RBP7: variants seen among roughly 807,000 people sequenced by gnomAD.
The protein encoded by RBP7 is retinol binding protein 7, also known as retinoid-binding protein 7.
RBP7 carries 13 observed loss-of-function variants against 16.7 expected under a neutral mutation model. The observed-to-expected ratio is 0.78, with a 90% CI of 0.51 to 1.24. The LOEUF (loss-of-function observed/expected upper bound fraction) is 1.24. Among genes scored for constraint, RBP7 ranks in the 50% most tolerant of loss-of-function variants. RBP7 has a pLI of 0.00. For missense variants in RBP7, 145 were observed against 159.5 expected, an observed-to-expected ratio of 0.91 and a Z score of 0.49; for synonymous variants, 54 against 56.2, an observed-to-expected ratio of 0.96 and a Z score of 0.17.
At chr1:10,005,917 C>T (rs964745622) in intron 1 of RBP7, among the ~76,000 whole-genome samples, 3 of 152,068 alleles carry the variant, frequency 2.0e-5, no homozygotes, top group South Asian at 2.1e-4. Context: ...CCCGATTCTG[C>T]GGCAGATACA....
intron 1 of RBP7, among the ~76,000 whole-genome samples, chr1:10,003,801 G>A (rs1642343687): frequency 6.6e-6 from 1 of 152,056 alleles, no homozygotes; most frequent in South Asian, 2.1e-4. Flanking sequence ...TGTCACCTAG[G>A]CTGGAGTGCA....
At position 10,007,647 on chromosome 1, in the gene RBP7, A is replaced by G; in HGVS notation, c.151A>G (p.Thr51Ala). ...GATTGAGCAGAATGGGGATTCTTTT[A>G]CCATCCACACGAACAGCAGCCTAAG... ...KVIEQNGDSF[T>A]IHTNSSLRNY... Residue 51 changes from threonine (T) to alanine (A), a missense_variant, in exon 2 of 4, where the codon ACC (threonine) becomes GCC (alanine). By Grantham distance (58) the Thr-to-Ala change is moderately conservative. Coordinates refer to ENST00000294435, the MANE Select transcript of RBP7 (RefSeq NM_052960.3). The G allele has an allele frequency of 6.2e-7, 1 of 1,614,028 alleles. No individual in the cohort carries two copies. The highest frequency in any genetic ancestry group is 2.2e-5 in the East Asian group (1 of 44,890).
intron 3 of RBP7, among the ~76,000 whole-genome samples, chr1:10,013,122 G>A (rs1173174928): frequency 6.7e-6 from 1 of 149,068 alleles, no homozygotes; most frequent in African/African-American, 2.5e-5. Flanking sequence ...GCCCATCCTG[G>A]AGTGCAGTAG....
At chr1:10,001,660 T>C (rs907533521) in intron 1 of RBP7, among the ~76,000 whole-genome samples, 1 of 152,080 alleles carries the variant, frequency 6.6e-6, no homozygotes, top group African/African-American at 2.4e-5. Context: ...GCTTCAGAAA[T>C]GGAGAAGCCC....
At chr1:10,008,137 C>A in intron 2 of RBP7, 36 bp from the exon 3 acceptor site, 1 of 1,361,266 alleles carries the variant, frequency 7.3e-7, no homozygotes, top group Non-Finnish European at 1.1e-6. Context: ...AGGATCCTGC[C>A]AGGACAAGCT....
At chr1:10,002,045 C>T (rs1173567597) in intron 1 of RBP7, among the ~76,000 whole-genome samples, 1 of 151,950 alleles carries the variant, frequency 6.6e-6, no homozygotes, top group East Asian at 1.9e-4. Flanking sequence ...CCAGGCTGGT[C>T]TCGAACTCCT....
At chr1:9,998,387 T>TTTTTTC (rs1553129428) in intron 1 of RBP7, among the ~76,000 whole-genome samples, 14 of 127,554 alleles carry the variant, frequency 1.1e-4, no homozygotes, top group Non-Finnish European at 1.6e-4. Flanking sequence ...TGTTTTCTTT[T>TTTTTTC]TTTCTTTCTT....
chr1:10,009,469 C>A (rs1437565088), intron 3 of RBP7, among the ~76,000 whole-genome samples: 1 of 151,098 alleles, frequency 6.6e-6, no homozygotes, highest in Non-Finnish European at 1.5e-5. Flanking sequence ...CCAGGAAACA[C>A]AGACTCCAAA....
In RBP7 at chr1:10,012,414, G is replaced by A. The variant is rs3125089; in HGVS notation, c.355-3368G>A. 8.5e-3 allele frequency among the ~76,000 whole-genome samples: 1,285 copies of A among 151,734 alleles called. 12 individuals are homozygous for A. Among genetic ancestry groups the A allele is most frequent in the African/African-American group, 0.029 (1,188 of 41,426 alleles). On this transcript the variant is annotated intron_variant, in intron 3 of 3. Coordinates refer to ENST00000294435, the MANE Select transcript of RBP7 (RefSeq NM_052960.3). ...AAAACAAAGTAAGAAACTTGCCTTC[G>A]CAAATACGTAATATGGAATTTCAAA... is the stretch of plus-strand genomic sequence containing the variant.
chr1:10,010,565 C>T (rs550191107), intron 3 of RBP7, among the ~76,000 whole-genome samples: 6 of 151,824 alleles, frequency 4.0e-5, no homozygotes, highest in East Asian at 1.9e-4. Context: ...TACAGGCACC[C>T]GCCACCATGC....
chr1:10,015,661 T>C, intron 3 of RBP7, 121 bp from the exon 4 acceptor site: 1 of 807,064 alleles, frequency 1.2e-6, no homozygotes, highest in Non-Finnish European at 2.1e-6. Context: ...AGACCCCATC[T>C]CATAAAAGAA....
intron 3 of RBP7, among the ~76,000 whole-genome samples, chr1:10,014,503 A>T (rs1642721901): frequency 1.3e-5 from 2 of 150,744 alleles, no homozygotes; most frequent in African/African-American, 4.9e-5. Context: ...CTCCTGTCTC[A>T]AGTGTCCTGA....
intron 1 of RBP7, among the ~76,000 whole-genome samples, chr1:10,001,845 T>TTTA (rs1642287235): frequency 1.6e-5 from 1 of 62,360 alleles, no homozygotes; most frequent in African/African-American, 5.8e-5. Context: ...TTATTTATTT[T>TTTA]TGAGACAGAG....
intron 1 of RBP7, among the ~76,000 whole-genome samples, chr1:10,006,491 C>T (rs1439679445): frequency 6.6e-6 from 1 of 151,910 alleles, no homozygotes; most frequent in African/African-American, 2.4e-5. Flanking sequence ...GCCTGGGTGA[C>T]AGAATGAGAT....
Position 10,008,189 on chromosome 1 carries a change from A to G in RBP7, c.269A>G (p.Asp90Gly). 1.2e-6 allele frequency: 2 copies of G among 1,610,792 alleles called. No individual in the cohort carries two copies. The highest frequency in any genetic ancestry group is 2.7e-5 in the African/African-American group (2 of 74,788). Residue 90 changes from aspartate to glycine, a missense_variant, in exon 3 of 4, where the codon GAC becomes GGC. Asp to Gly is a moderately conservative substitution (Grantham distance 94, BLOSUM62 -1). Coordinates refer to ENST00000294435, the MANE Select transcript of RBP7 (RefSeq NM_052960.3). ...TTCATGCAGAGTTTGGTTATCTGGG[A>G]CAATGACAGGCTCACCTGTATCCAG... ...NRKCKSLVIWDNDRLTCIQKG... is the reference protein window; with the variant it reads ...NRKCKSLVIWGNDRLTCIQKG...
chr1:10,007,380 C>T (rs967557968), intron 1 of RBP7, among the ~76,000 whole-genome samples, 190 bp from the exon 2 acceptor site: 5 of 152,022 alleles, frequency 3.3e-5, no homozygotes. Context: ...CATTTGCAAA[C>T]TTTTTAATCA....
At chr1:10,001,264 C>T (rs1033500784) in intron 1 of RBP7, among the ~76,000 whole-genome samples, 2 of 152,126 alleles carry the variant, frequency 1.3e-5, no homozygotes, top group South Asian at 2.1e-4. Flanking sequence ...TTTGCCAAAC[C>T]GCAGTGAGAA....
intron 3 of RBP7, among the ~76,000 whole-genome samples, chr1:10,009,204 G>A (rs1231727154): frequency 6.6e-6 from 1 of 152,058 alleles, no homozygotes; most frequent in Non-Finnish European, 1.5e-5. Flanking sequence ...GAGGTCAGGA[G>A]ATCAAGATCA....
Position 10,015,918 on chromosome 1 carries a change from T to G in RBP7, c.*86T>G. On this transcript the variant is annotated 3_prime_UTR_variant, in exon 4 of 4. Coordinates refer to ENST00000294435, the MANE Select transcript of RBP7 (RefSeq NM_052960.3). ...CTGAACAGACGTTTATCTATCCCAT[T>G]TGGCGACGAGGACTCGTGGCTGGAG... is the stretch of plus-strand genomic sequence containing the variant. 7.5e-7 allele frequency: 1 copy of G among 1,332,036 alleles called. No individual in the cohort carries two copies. The highest frequency in any genetic ancestry group is 1.1e-6 in the Non-Finnish European group (1 of 931,152). The allele number at this position is 1,332,036 out of a possible 1,614,324, so 82.5% of individuals were successfully genotyped here.
Sources: gnomAD v4.1 joint callset for allele counts (sites outside exome capture counted in the v4.1 genomes callset) on GRCh38, gnomAD v4.1.1 for gene constraint, MANE v1.5 for transcripts, NCBI Gene and HGNC (gene_info 2026-07-23, HGNC 2026-07-21) for gene names.